NEB: variants seen among roughly 807,000 people sequenced by gnomAD.
NEB encodes nemaline myopathy type 2.
Under a neutral mutation model 952.2 loss-of-function variants are expected in NEB, and 512 were observed. The observed-to-expected ratio is 0.54, with a 90% CI of 0.50 to 0.58. The LOEUF is 0.58. NEB is among the 20% of genes least tolerant of loss of function. NEB has a pLI of 0.00. For missense variants in NEB, 8,428 were observed against 9,231.1 expected, an observed-to-expected ratio of 0.91 and a Z score of 3.56; for synonymous variants, 2,900 against 3,149.8, an observed-to-expected ratio of 0.92 and a Z score of 2.66.
intron 110 of NEB, 78 bp from the exon 111 acceptor site, chr2:151,568,794 G>T: frequency 2.9e-6 from 3 of 1,026,584 alleles, no homozygotes; most frequent in Non-Finnish European, 4.3e-6. Context: ...TAAATTTAGA[G>T]TCCTTCTCTA....
intron 70 of NEB, among the ~76,000 whole-genome samples, chr2:151,626,449 A>G (rs1333086970): frequency 2.0e-5 from 3 of 152,064 alleles, no homozygotes; most frequent in Admixed American, 1.3e-4. Context: ...GCTTACCTAA[A>G]TAAGTACTCA....
At chr2:151,706,524 T>TGG (rs1559477193) in intron 13 of NEB, among the ~76,000 whole-genome samples, 1 of 152,154 alleles carries the variant, frequency 6.6e-6, no homozygotes, top group African/African-American at 2.4e-5. Flanking sequence ...GGGGCCAAGA[T>TGG]CTATCTTTGA....
At position 151,485,729 on chromosome 2, in the gene NEB, T is replaced by TC. The variant is rs759841766; in HGVS notation, c.*30dup. ...AAACATTGACTGCAGGATCTGTAAG[T>TC]CCTGCAGACAAGTGTGATGCTTTGA... is the stretch of plus-strand genomic sequence containing the variant. On this transcript the variant is annotated 3_prime_UTR_variant, in exon 182 of 182. Coordinates refer to ENST00000397345, the MANE Select transcript of NEB (RefSeq NM_001164508.2). The TC allele has an allele frequency of 6.3e-7, 1 of 1,577,764 alleles. No individual in the cohort carries two copies. Among genetic ancestry groups the TC allele is most frequent in the Non-Finnish European group, 8.6e-7 (1 of 1,157,450 alleles).
At chr2:151,716,922 C>T (rs192769920) in intron 10 of NEB, among the ~76,000 whole-genome samples, 1 of 152,340 alleles carries the variant, frequency 6.6e-6, no homozygotes, top group Admixed American at 6.5e-5. Flanking sequence ...AGTTTACTGC[C>T]TAAATATAGG....
chr2:151,523,138 GTTC>G (rs2153428971), intron 153 of NEB, among the ~76,000 whole-genome samples: 1 of 151,974 alleles, frequency 6.6e-6, no homozygotes, highest in South Asian at 2.1e-4. Flanking sequence ...GCATTAATAA[GTTC>G]TTGTTACATC....
At chr2:151,704,121 G>C (rs2099690165) in intron 13 of NEB, among the ~76,000 whole-genome samples, 1 of 72,990 alleles carries the variant, frequency 1.4e-5, no homozygotes, top group East Asian at 3.4e-4. Context: ...ACCCTGCCGT[G>C]TGAGGTGTCA....
intron 77 of NEB, among the ~76,000 whole-genome samples, chr2:151,612,722 C>T (rs1432326796): frequency 6.6e-6 from 1 of 152,210 alleles, no homozygotes; most frequent in Non-Finnish European, 1.5e-5. Context: ...CTTATGGAAA[C>T]TGTACTGGGT....
intron 64 of NEB, among the ~76,000 whole-genome samples, chr2:151,634,420 G>A (rs2098719142): frequency 6.6e-6 from 1 of 152,134 alleles, no homozygotes; most frequent in African/African-American, 2.4e-5. Flanking sequence ...AAGGCAGGTG[G>A]ATCATGAGGT....
At chr2:151,487,637 T>A (rs1432496095) in intron 181 of NEB, among the ~76,000 whole-genome samples, 1 of 152,190 alleles carries the variant, frequency 6.6e-6, no homozygotes, top group Non-Finnish European at 1.5e-5. Context: ...TTGTCACCAT[T>A]TTTTCTTACA....
chr2:151,656,523 G>T, intron 48 of NEB, 59 bp from the exon 49 acceptor site: 1 of 1,024,088 alleles, frequency 9.8e-7, no homozygotes, highest in Non-Finnish European at 1.4e-6. Context: ...AATCGATCTA[G>T]TGTCAATATG....
intron 113 of NEB, 69 bp from the exon 114 acceptor site, chr2:151,567,548 C>T: frequency 7.1e-7 from 1 of 1,414,778 alleles, no homozygotes; most frequent in Middle Eastern, 1.8e-4. Context: ...GCTTGATCAT[C>T]TACTAAGGGA....
rs546422983 is a variant in NEB at position 151,496,440 on chromosome 2, A to G, written c.24394-72T>C. On this transcript the variant is annotated intron_variant, in intron 172 of 181. Coordinates refer to ENST00000397345, the MANE Select transcript of NEB (RefSeq NM_001164508.2). ...CATTTGTTGAGAGGTTTTAAGGGTA[A>G]GGTCAACTTCCTTGTTAAGAAAACA... is the stretch of plus-strand genomic sequence containing the variant. 45 of 1,513,306 alleles carry G rather than the reference A, an allele frequency of 3.0e-5. No individual in the cohort carries two copies. The African/African-American group carries it at 6.0e-4, about 20-fold the overall frequency. The allele number at this position is 1,513,306 out of a possible 1,614,324, so 93.7% of individuals were successfully genotyped here.
chr2:151,532,013 C>G, intron 143 of NEB, 117 bp from the exon 144 acceptor site: 1 of 638,440 alleles, frequency 1.6e-6, no homozygotes, highest in Non-Finnish European at 2.7e-6. Context: ...TCTTTAATTC[C>G]TAACTGGAAA....
intron 181 of NEB, chr2:151,486,154 A>G (rs1313507235): frequency 4.0e-6 from 2 of 495,910 alleles, no homozygotes; most frequent in Non-Finnish European, 7.2e-6. Flanking sequence ...ACGAACTCCT[A>G]CAACTCAATG....
intron 4 of NEB, among the ~76,000 whole-genome samples, chr2:151,728,436 A>C (rs1049236238): frequency 6.6e-6 from 1 of 152,198 alleles, no homozygotes; most frequent in Admixed American, 6.5e-5. Context: ...ATGAACTTTA[A>C]AAAAATGAAT....
At chr2:151,534,398 GA>G in intron 142 of NEB, 2 of 1,211,926 alleles carry the variant, frequency 1.7e-6, no homozygotes, top group Non-Finnish European at 2.4e-6. Flanking sequence ...AAACACTCCA[GA>G]GGGCCAGAAC....
At chr2:151,712,213 G>A (rs778111503) in intron 10 of NEB, among the ~76,000 whole-genome samples, 7 of 152,126 alleles carry the variant, frequency 4.6e-5, no homozygotes, top group Non-Finnish European at 8.8e-5. Context: ...CTTAGGATTG[G>A]GAAGGGGCAA....
rs747924696 is a variant in NEB, at chr2:151,675,386, T to C, written c.3780A>G (p.Leu1260=). The C allele has an allele frequency of 2.6e-6, 4 of 1,559,338 alleles. No homozygotes were observed. The highest frequency in any genetic ancestry group is 2.4e-5 in the South Asian group (2 of 84,924). Residue 1260 remains leucine, a synonymous_variant, in exon 35 of 182, where the codon TTA becomes TTG. Coordinates refer to ENST00000397345, the MANE Select transcript of NEB (RefSeq NM_001164508.2). Reference sequence around the variant, plus strand: ...TCACATCTTCTCCTTTAGCCTTGTATAAGATCTGCAATAAAATGCATTTCA... The same window carrying C: ...TCACATCTTCTCCTTTAGCCTTGTACAAGATCTGCAATAAAATGCATTTCA... ...KQNTKQVSDI[L]YKAKGEDVKH...
intron 129 of NEB, 60 bp downstream of exon 129, chr2:151,551,673 GCTTGC>G: frequency 7.8e-7 from 1 of 1,289,888 alleles, no homozygotes; most frequent in East Asian, 2.3e-5. Flanking sequence ...AGCAAGCTCA[GCTTGC>G]TTCCACAGAG....
Sources: allele counts gnomAD v4.1 joint callset (sites outside exome capture counted in the v4.1 genomes callset), GRCh38; gene constraint gnomAD v4.1.1; transcripts MANE v1.5; gene names NCBI Gene and HGNC (gene_info 2026-07-23, HGNC 2026-07-21).